NMRK1: variants seen among roughly 807,000 people sequenced by gnomAD.
NMRK1 encodes NRK 1.
In NMRK1, 28 loss-of-function variants were observed where a neutral mutation model predicts 29.9. That is an observed-to-expected ratio of 0.94 (90% CI 0.69 to 1.28). NMRK1 has a LOEUF of 1.28. Ranked by LOEUF, NMRK1 falls within the 50% of genes most tolerant of loss-of-function variation. The pLI is 0.00. For missense variants in NMRK1, 218 were observed against 233.1 expected (o/e 0.94, Z 0.42); for synonymous variants, 58 against 73.0 (o/e 0.79, Z 1.05).
intron 2 of NMRK1, chr9:75,078,439 G>T: frequency 6.5e-7 from 1 of 1,535,788 alleles, no homozygotes. Flanking sequence ...TGTCTCTTCT[G>T]ACCGGACTGT....
chr9:75,066,678 A>G (rs1268166747), intron 8 of NMRK1, 79 bp downstream of exon 8: 1 of 831,816 alleles, frequency 1.2e-6, no homozygotes, highest in African/African-American at 1.7e-5. Context: ...GCATTCTGGT[A>G]TTCCATTCTT....
chr9:75,066,773 T>G lies in NMRK1; in HGVS notation c.564A>C (p.Glu188Asp), dbSNP rs748675984. The G allele has an allele frequency of 6.2e-7, 1 of 1,600,326 alleles. No homozygotes were observed. Among genetic ancestry groups the G allele is most frequent in the South Asian group, 1.1e-5 (1 of 90,788 alleles). ...AATACTTACACTTTTGCTTTGCTAG[T>G]TCTTGTATTAGATCTTCATATACTT... ...FLQVYEDLIQ[E>D]LAKQKCLQVT... The change falls in exon 8 of 9, where the codon GAA (glutamate) becomes GAC (aspartate). Residue 188 changes from glutamate (E) to aspartate (D), a missense_variant. Physicochemically the swap from Glu to Asp is conservative, Grantham distance 45. Transcript: ENST00000361092.
intron 2 of NMRK1, 59 bp from the exon 3 acceptor site, chr9:75,077,639 C>CT (rs60305501): frequency 7.5e-3 from 6,742 of 900,538 alleles, no homozygotes; most frequent in Non-Finnish European, 8.8e-3. Context: ...TCATTAAACA[C>CT]TTTTTTTTTT....
intron 4 of NMRK1, among the ~76,000 whole-genome samples, chr9:75,073,394 T>C (rs900003970): frequency 6.6e-6 from 1 of 152,208 alleles, no homozygotes; most frequent in African/African-American, 2.4e-5. Flanking sequence ...CATTCTGTGG[T>C]ACTTTGTTAT....
In NMRK1 at chr9:75,073,578, T is replaced by G. The variant is rs566690470; in HGVS notation, c.170-3536A>C. 5.1e-4 allele frequency among the ~76,000 whole-genome samples: 76 copies of G among 148,160 alleles called. 1 individual carries two copies. Among genetic ancestry groups the G allele is most frequent in the Admixed American group, 1.4e-3 (21 of 14,846 alleles). On this transcript the variant is annotated intron_variant, in intron 4 of 8. Transcript: ENST00000361092. ...ACATGGCAAAACCCCAAATCTACTTTAAAAAAAAAAATTAGTCAGGCGTGG... is the reference window on the plus strand; with the variant it reads ...ACATGGCAAAACCCCAAATCTACTTGAAAAAAAAAAATTAGTCAGGCGTGG...
chr9:75,072,863 A>G (rs539599963), intron 4 of NMRK1, among the ~76,000 whole-genome samples: 1 of 151,628 alleles, frequency 6.6e-6, no homozygotes, highest in East Asian at 1.9e-4. Flanking sequence ...TGTACTCAAG[A>G]AAAAAAAATA....
At chr9:75,085,740 T>G (rs1038387761) in intron 1 of NMRK1, among the ~76,000 whole-genome samples, 8 of 150,122 alleles carry the variant, frequency 5.3e-5, no homozygotes, top group South Asian at 2.1e-4. Flanking sequence ...TTTTTTTTTT[T>G]TTTTTTTTTT....
intron 4 of NMRK1, among the ~76,000 whole-genome samples, chr9:75,074,260 T>TA (rs540580290): frequency 2.2e-4 from 32 of 148,106 alleles, no homozygotes; most frequent in South Asian, 6.4e-4. Flanking sequence ...ATTGTTGGCT[T>TA]AAAAAAAAAA....
Position 75,061,433 on chromosome 9 carries a change from T to A in NMRK1, c.*115A>T, listed in dbSNP as rs535519168. The A allele has an allele frequency of 1.2e-3, 914 of 791,662 alleles. 7 individuals carry two copies. The highest frequency in any genetic ancestry group is 2.1e-3 in the Admixed American group (84 of 39,108). 49.0% of individuals were successfully genotyped at this position (791,662 alleles called of 1,614,324 possible). A position where few individuals can be genotyped will look rare whatever the true frequency, so the allele number is the denominator to read the frequency against. On this transcript the variant is annotated 3_prime_UTR_variant, in exon 9 of 9. Transcript: ENST00000361092. Reference sequence around the variant, plus strand: ...AACCATGTGCAATAAAAATCAAACATATGAAACAATGGCTGTCATTGTACC... The same window carrying A: ...AACCATGTGCAATAAAAATCAAACAAATGAAACAATGGCTGTCATTGTACC...
At chr9:75,084,138 T>G (rs1018891673) in intron 1 of NMRK1, among the ~76,000 whole-genome samples, 25 of 152,216 alleles carry the variant, frequency 1.6e-4, no homozygotes, top group African/African-American at 5.5e-4. Flanking sequence ...TCTCACTAAG[T>G]GAAAAGGTGA....
chr9:75,084,225 G>A (rs999064229), intron 1 of NMRK1, among the ~76,000 whole-genome samples: 2 of 152,192 alleles, frequency 1.3e-5, no homozygotes, highest in African/African-American at 4.8e-5. Context: ...CTTCCTATCT[G>A]CTCAGGGGGG....
Position 75,061,282 on chromosome 9 carries a change from G to C in NMRK1, c.*266C>G. ...AATCATTGTTATAGAGCTATGTTCA[G>C]AAAGTGGAGACTTTCTGACTCACTG... On this transcript the variant is annotated 3_prime_UTR_variant, in exon 9 of 9. Transcript: ENST00000361092. 1 of 414,484 alleles carries C rather than the reference G, an allele frequency of 2.4e-6. No homozygotes were observed. Among genetic ancestry groups the C allele is most frequent in the Non-Finnish European group, 4.3e-6 (1 of 233,022 alleles). 25.7% of individuals were successfully genotyped at this position (414,484 alleles called of 1,614,324 possible). A position where few individuals can be genotyped will look rare whatever the true frequency, so the allele number is the denominator to read the frequency against.
In NMRK1 at chr9:75,061,497, C is replaced by A; in HGVS notation, c.*51G>T. The A allele has an allele frequency of 6.8e-7, 1 of 1,467,144 alleles. No homozygotes were observed. The highest frequency in any genetic ancestry group is 2.3e-5 in the East Asian group (1 of 44,186). The allele number at this position is 1,467,144 out of a possible 1,614,324, so 90.9% of individuals were successfully genotyped here. ...TATCTTGGTGAAGGTTCTTAAATTA[C>A]TCCTTGGAGTTTCCTAATTCACTTC... On this transcript the variant is annotated 3_prime_UTR_variant, in exon 9 of 9. Coordinates refer to ENST00000361092, the MANE Select transcript of NMRK1 (RefSeq NM_017881.3).
intron 2 of NMRK1, among the ~76,000 whole-genome samples, chr9:75,079,997 C>G (rs1484473724): frequency 6.6e-6 from 1 of 152,140 alleles, no homozygotes; most frequent in Non-Finnish European, 1.5e-5. Context: ...CAAATAAATG[C>G]ACAACTCCTG....
chr9:75,085,578 T>C (rs923785801), intron 1 of NMRK1, among the ~76,000 whole-genome samples: 20 of 152,090 alleles, frequency 1.3e-4, no homozygotes, highest in South Asian at 4.1e-4. Context: ...CGTGTGACCA[T>C]TGCATCAATT....
intron 4 of NMRK1, among the ~76,000 whole-genome samples, chr9:75,070,425 A>G (rs1014854474): frequency 6.6e-6 from 1 of 152,222 alleles, no homozygotes; most frequent in African/African-American, 2.4e-5. Flanking sequence ...AAGATACATG[A>G]CACATGGAGG....
At chr9:75,074,946 T>G (rs1361886376) in intron 4 of NMRK1, among the ~76,000 whole-genome samples, 1 of 152,240 alleles carries the variant, frequency 6.6e-6, no homozygotes, top group Non-Finnish European at 1.5e-5. Context: ...TTGGGACACA[T>G]GCTCAACCTC....
chr9:75,060,784 G>A lies in NMRK1; in HGVS notation c.*764C>T, dbSNP rs117268855. The stretch of plus-strand genomic sequence containing the variant: ...TTGACAAAAACAAAATGAACCACGA[G>A]GGGGGAGAAAGAAACCAGAAACCCT... On this transcript the variant is annotated 3_prime_UTR_variant, in exon 9 of 9. Coordinates refer to ENST00000361092, the MANE Select transcript of NMRK1 (RefSeq NM_017881.3). The A allele has an allele frequency of 6.7e-6, 1 of 148,784 alleles. No individual in the cohort carries two copies. The highest frequency in any genetic ancestry group is 1.5e-5 in the Non-Finnish European group (1 of 67,330). The allele number at this position is 148,784 out of a possible 1,614,324, so 9.2% of individuals were successfully genotyped here.
chr9:75,084,393 A>G (rs1824500122), intron 1 of NMRK1, among the ~76,000 whole-genome samples: 1 of 152,196 alleles, frequency 6.6e-6, no homozygotes. Context: ...TTGTTGTCTG[A>G]CTTCTTGGCT....
Sources: gnomAD v4.1 joint callset for allele counts (sites outside exome capture counted in the v4.1 genomes callset) on GRCh38, gnomAD v4.1.1 for gene constraint, MANE v1.5 for transcripts, NCBI Gene and HGNC (gene_info 2026-07-23, HGNC 2026-07-21) for gene names.